RBM6: variants seen among roughly 807,000 people sequenced by gnomAD.
RBM6 encodes RNA binding motif protein 6, also known as RNA-binding protein 6.
A neutral mutation model predicts 140.4 loss-of-function variants in RBM6; 23 were observed. That is an observed-to-expected ratio of 0.16 (90% CI 0.12 to 0.23). The LOEUF is 0.23. RBM6 is among the 10% of genes least tolerant of loss of function. The pLI is 1.00. For missense variants in RBM6, 1,139 were observed against 1,386.7 expected (o/e 0.82, Z 2.84); for synonymous variants, 439 against 475.6 (o/e 0.92, Z 1.00).
chr3:50,076,972 A>G (rs2090482022), intron 20 of RBM6, 36 bp from the exon 21 acceptor site: 4 of 1,588,246 alleles, frequency 2.5e-6, no homozygotes, highest in African/African-American at 1.4e-5. Context: ...TAATTAATCT[A>G]TAGGGCCCAC....
chr3:49,942,151 T>C (rs1407377049), intron 1 of RBM6, among the ~76,000 whole-genome samples: 1 of 151,426 alleles, frequency 6.6e-6, no homozygotes, highest in Non-Finnish European at 1.5e-5. Flanking sequence ...TTTTTATGTA[T>C]GTTTATGTAT....
chr3:50,024,414 C>G (rs553270887), intron 6 of RBM6, among the ~76,000 whole-genome samples: 30 of 152,152 alleles, frequency 2.0e-4, no homozygotes, highest in African/African-American at 7.0e-4. Flanking sequence ...CCTCCTGCCC[C>G]TCCTGGTCAT....
At position 50,057,814 on chromosome 3, in the gene RBM6, C is replaced by T. The variant is rs1232469000; in HGVS notation, c.1780C>T (p.Pro594Ser). The change falls in exon 9 of 21, where the codon CCC becomes TCC. Residue 594 changes from proline (P) to serine (S), a missense_variant. By Grantham distance (74) the Pro-to-Ser change is moderately conservative. Around this residue, in one of 9 missense-constraint regions of RBM6, gnomAD observed 109 missense variants for 101.9 expected, o/e 1.07. Coordinates refer to ENST00000266022, the MANE Select transcript of RBM6 (RefSeq NM_005777.3). Reference sequence around the variant, plus strand: ...ACCATTGGAAAAACAGCCCAACCAGCCCCTAAGACCAGCTGATAAGGAACC... The same window carrying T: ...ACCATTGGAAAAACAGCCCAACCAGTCCCTAAGACCAGCTGATAAGGAACC... ...PAPLEKQPNQ[P>S]LRPADKEPEP... 2.5e-6 allele frequency: 4 copies of T among 1,613,716 alleles called. No individual in the cohort carries two copies. The African/African-American group carries it at 5.3e-5, about 22-fold the overall frequency.
intron 1 of RBM6, among the ~76,000 whole-genome samples, chr3:49,953,428 C>T (rs1416018335): frequency 1.3e-5 from 2 of 151,704 alleles, no homozygotes; most frequent in Non-Finnish European, 2.9e-5. Context: ...CCACATTGGC[C>T]AGGCTGGTCT....
chr3:49,962,173 G>T (rs1427229724), intron 1 of RBM6, among the ~76,000 whole-genome samples: 1 of 138,922 alleles, frequency 7.2e-6, no homozygotes, highest in Non-Finnish European at 1.5e-5. Context: ...AAAAAAGAAG[G>T]CCGGGTGCAG....
chr3:50,063,595 C>CAA (rs531070691), intron 15 of RBM6, among the ~76,000 whole-genome samples: 4 of 87,240 alleles, frequency 4.6e-5, no homozygotes, highest in African/African-American at 8.5e-5. Context: ...AGACTTGTCT[C>CAA]AAAAAAAAAA....
At chr3:50,023,570 A>G (rs537366520) in intron 6 of RBM6, among the ~76,000 whole-genome samples, 11 of 152,084 alleles carry the variant, frequency 7.2e-5, no homozygotes, top group African/African-American at 2.7e-4. Flanking sequence ...GAGGTCTAGT[A>G]GAATACCGTG....
At chr3:50,075,071 G>T (rs2090416706) in intron 19 of RBM6, 130 bp from the exon 20 acceptor site, 13 of 1,082,446 alleles carry the variant, frequency 1.2e-5, no homozygotes, top group Non-Finnish European at 1.7e-5. Context: ...CAGGAGAATC[G>T]CCTGAACCCA....
At chr3:50,017,821 T>G (rs2087249949) in intron 6 of RBM6, among the ~76,000 whole-genome samples, 2 of 152,202 alleles carry the variant, frequency 1.3e-5, no homozygotes, top group African/African-American at 4.8e-5. Flanking sequence ...TTGCCTGGCC[T>G]TTGGGGGTCA....
chr3:50,040,493 T>TATATATATATATATATACAC (rs749096137), intron 6 of RBM6, among the ~76,000 whole-genome samples: 1 of 85,882 alleles, frequency 1.2e-5, no homozygotes, highest in African/African-American at 4.6e-5. Context: ...TATATATATA[T>TATATATATATATATATACAC]ACACACACAC....
At chr3:49,945,416 T>A (rs766677722) in intron 1 of RBM6, among the ~76,000 whole-genome samples, 7 of 152,054 alleles carry the variant, frequency 4.6e-5, no homozygotes, top group Non-Finnish European at 2.9e-5. Context: ...TTTGAGGAAC[T>A]GCCTTACTGT....
At chr3:49,975,499 C>T in intron 5 of RBM6, 107 bp downstream of exon 5, 1 of 944,250 alleles carries the variant, frequency 1.1e-6, no homozygotes, top group Non-Finnish European at 1.7e-6. Context: ...ATTAAAATTT[C>T]CAGAAGCCTC....
At chr3:50,042,344 A>G (rs929600419) in intron 6 of RBM6, among the ~76,000 whole-genome samples, 1 of 152,222 alleles carries the variant, frequency 6.6e-6, no homozygotes, top group African/African-American at 2.4e-5. Flanking sequence ...AAGTATAACT[A>G]CAACTGAGCT....
At chr3:50,049,793 T>A (rs2089387657) in intron 7 of RBM6, among the ~76,000 whole-genome samples, 1 of 151,954 alleles carries the variant, frequency 6.6e-6, no homozygotes, top group African/African-American at 2.4e-5. Context: ...ATTAATTCAG[T>A]GACATTAAGT....
At chr3:49,983,453 A>G (rs1348209642) in intron 5 of RBM6, among the ~76,000 whole-genome samples, 1 of 146,544 alleles carries the variant, frequency 6.8e-6, no homozygotes, top group African/African-American at 2.4e-5. Flanking sequence ...CTGTCTCAAA[A>G]AAAGGAAAAA....
chr3:50,037,163 G>A (rs1398279301), intron 6 of RBM6, among the ~76,000 whole-genome samples: 1 of 152,088 alleles, frequency 6.6e-6, no homozygotes, highest in African/African-American at 2.4e-5. Context: ...CCTTTGGGAG[G>A]CTGTGGCAGG....
At chr3:49,991,947 A>ATTTTATTTTAT (rs370135343) in intron 5 of RBM6, among the ~76,000 whole-genome samples, 4 of 136,950 alleles carry the variant, frequency 2.9e-5, no homozygotes, top group African/African-American at 1.4e-4. Flanking sequence ...ATTTTATTTT[A>ATTTTATTTTAT]TTTATTTATT....
At chr3:49,951,718 T>C (rs2083739865) in intron 1 of RBM6, among the ~76,000 whole-genome samples, 1 of 149,394 alleles carries the variant, frequency 6.7e-6, no homozygotes, top group African/African-American at 2.5e-5. Flanking sequence ...ATTATTATTA[T>C]TTTTTTGTTG....
intron 6 of RBM6, among the ~76,000 whole-genome samples, chr3:50,028,061 C>CT: frequency 9.4e-6 from 1 of 106,264 alleles, no homozygotes; most frequent in Non-Finnish European, 1.9e-5. Flanking sequence ...GGGTTTTGTA[C>CT]TTGTTTTTTT....
Sources: allele counts gnomAD v4.1 joint callset (sites outside exome capture counted in the v4.1 genomes callset), GRCh38; gene constraint gnomAD v4.1.1; regional missense constraint gnomAD v4.1.1; transcripts MANE v1.5; gene names NCBI Gene and HGNC (gene_info 2026-07-23, HGNC 2026-07-21).